LCP2: variants seen among roughly 807,000 people sequenced by gnomAD.
LCP2 encodes 76 kDa tyrosine phosphoprotein.
In LCP2, 29 loss-of-function variants were observed where a neutral mutation model predicts 74.5. That is an observed-to-expected ratio of 0.39 (90% CI 0.29 to 0.53). The LOEUF (loss-of-function observed/expected upper bound fraction) is 0.53. LCP2 is among the 20% of genes least tolerant of loss of function. The probability of loss-of-function intolerance (pLI) is 0.72; values close to 1 mark genes in which losing one functional copy is unlikely to be tolerated. For missense variants in LCP2, 604 were observed against 634.6 expected, an observed-to-expected ratio of 0.95 and a Z score of 0.52; for synonymous variants, 228 against 229.5, an observed-to-expected ratio of 0.99 and a Z score of 0.06.
intron 3 of LCP2, among the ~76,000 whole-genome samples, chr5:170,277,511 G>T (rs531753603): frequency 6.6e-6 from 1 of 152,036 alleles, no homozygotes; most frequent in African/African-American, 2.4e-5. Context: ...ACTTTGGGAG[G>T]CTGAGGTGAG....
intron 8 of LCP2, among the ~76,000 whole-genome samples, chr5:170,267,592 A>G (rs544664240): frequency 1.5e-4 from 20 of 132,212 alleles, no homozygotes; most frequent in Admixed American, 1.3e-3. Context: ...CCCCCCCCAT[A>G]CCGTCATGTT....
chr5:170,281,490 C>T (rs1383737342), intron 3 of LCP2, among the ~76,000 whole-genome samples: 4 of 152,154 alleles, frequency 2.6e-5, no homozygotes, highest in South Asian at 2.1e-4. Flanking sequence ...CTGTGTTAGC[C>T]AGGATGGTCT....
intron 6 of LCP2, among the ~76,000 whole-genome samples, chr5:170,272,655 G>A (rs1025643142): frequency 9.6e-5 from 11 of 114,750 alleles, no homozygotes; most frequent in Non-Finnish European, 1.8e-4. Context: ...CTGTCACCAG[G>A]CTGGAGTAGT....
chr5:170,293,425 G>C lies in LCP2; in HGVS notation c.79-53C>G, dbSNP rs910973422. 44 of 1,520,434 alleles carry C rather than the reference G, an allele frequency of 2.9e-5. No individual in the cohort carries two copies. The Admixed American group carries it at 3.7e-4, about 13-fold the overall frequency. The allele number at this position is 1,520,434 out of a possible 1,614,324, so 94.2% of individuals were successfully genotyped here. Reference sequence around the variant, plus strand: ...AGTGACGGGCAGTCTCTTACCATTGGTTCCTCTCCCTTGCCTGCCCCAGAA... The same window carrying C: ...AGTGACGGGCAGTCTCTTACCATTGCTTCCTCTCCCTTGCCTGCCCCAGAA... On this transcript the variant is annotated intron_variant, in intron 1 of 20. Coordinates refer to ENST00000046794, the MANE Select transcript of LCP2 (RefSeq NM_005565.5).
chr5:170,259,637 A>G (rs1419714049), intron 14 of LCP2, among the ~76,000 whole-genome samples: 1 of 152,230 alleles, frequency 6.6e-6, no homozygotes, highest in African/African-American at 2.4e-5. Context: ...AAGTGTTGTT[A>G]GAAGGATTAA....
rs936064836 is a variant in LCP2, at chr5:170,248,646, C to T, written c.*51G>A. 6.2e-6 allele frequency: 10 copies of T among 1,604,878 alleles called. No individual in the cohort carries two copies. The highest frequency in any genetic ancestry group is 7.7e-6 in the Non-Finnish European group (9 of 1,174,504). ...TCCATTGACCAAGGCTGATTGATCTCGTGTTGGCAACAGAGGCAGGAGGAC... is the reference window on the plus strand; with the variant it reads ...TCCATTGACCAAGGCTGATTGATCTTGTGTTGGCAACAGAGGCAGGAGGAC... On this transcript the variant is annotated 3_prime_UTR_variant, in exon 21 of 21. Coordinates refer to ENST00000046794, the MANE Select transcript of LCP2 (RefSeq NM_005565.5).
chr5:170,281,431 C>T (rs1317004911), intron 3 of LCP2, among the ~76,000 whole-genome samples: 1 of 152,168 alleles, frequency 6.6e-6, no homozygotes, highest in Non-Finnish European at 1.5e-5. Flanking sequence ...AGGTGCCTGC[C>T]ACCACACTCG....
rs1420619197 is a variant in LCP2, at chr5:170,289,595, CTTTCTTTCTTTCTTTCTTTCTT to C, written c.142-1601_142-1580del. Among the ~76,000 whole-genome samples, 761 of 144,756 alleles carry C rather than the reference CTTTCTTTCTTTCTTTCTTTCTT, an allele frequency of 5.3e-3. 4 individuals carry two copies. The highest frequency in any genetic ancestry group is 8.0e-3 in the Non-Finnish European group (523 of 65,170). The allele number at this position is 144,756 out of a possible 152,430, so 95.0% of individuals were successfully genotyped here. A position where few individuals can be genotyped will look rare whatever the true frequency, so the allele number is the denominator to read the frequency against. ...GTTAAGCTTCTTAACTACTCCTTTTCTTTCTTTCTTTCTTTCTTTCTTTTTCTTTCTTTCTTTCTTTCTTTCT... is the reference window on the plus strand; with the variant it reads ...GTTAAGCTTCTTAACTACTCCTTTTCTTTCTTTCTTTCTTTCTTTCTTTCT... On this transcript the variant is annotated intron_variant, in intron 2 of 20. Transcript: ENST00000046794.
intron 17 of LCP2, 101 bp from the exon 18 acceptor site, chr5:170,253,314 C>T (rs1220183036): frequency 2.5e-5 from 19 of 745,706 alleles, no homozygotes; most frequent in Middle Eastern, 5.0e-4. Context: ...AAAAAATACC[C>T]TTGCGATTGG....
In LCP2 at chr5:170,274,334, G is replaced by C. The variant is rs1463973709; in HGVS notation, c.291C>G (p.Ser97Arg). The change falls in exon 6 of 21, where the codon AGC becomes AGG. Residue 97 changes from serine (S) to arginine (R), a missense_variant. Physicochemically the swap from Ser to Arg is moderately radical, Grantham distance 110. Transcript: ENST00000046794. The part of the protein sequence containing the change: ...QVPRFPEETE[S>R]HEEDNGGWSS... ...ACCAGCCCCCATTGTCCTCTTCGTG[G>C]CTTTCTGTGGAAGGAGATGACACCA... is the stretch of plus-strand genomic sequence containing the variant. 3 of 1,612,958 alleles carry C rather than the reference G, an allele frequency of 1.9e-6. No homozygotes were observed. Among genetic ancestry groups the C allele is most frequent in the Non-Finnish European group, 2.5e-6 (3 of 1,179,506 alleles).
Position 170,262,661 on chromosome 5 carries a change from C to T in LCP2, c.900G>A (p.Leu300=), listed in dbSNP as rs751580792. 6.2e-7 allele frequency: 1 copy of T among 1,613,668 alleles called. No individual in the cohort carries two copies. Among genetic ancestry groups the T allele is most frequent in the Non-Finnish European group, 8.5e-7 (1 of 1,179,770 alleles). Reference sequence around the variant, plus strand: ...TTGGCACAGGTGGCTTCTTCCCTGGCAGGGGGCTGCTCCTTTCATGTCTTT... The same window carrying T: ...TTGGCACAGGTGGCTTCTTCCCTGGTAGGGGGCTGCTCCTTTCATGTCTTT... ...TTERHERSSP[L]PGKKPPVPKH... is the part of the protein sequence containing the mutation. Residue 300 remains leucine (L), a synonymous_variant, in exon 13 of 21, where the codon CTG becomes CTA. Coordinates refer to ENST00000046794, the MANE Select transcript of LCP2 (RefSeq NM_005565.5).
intron 3 of LCP2, among the ~76,000 whole-genome samples, chr5:170,277,074 T>TAAA (rs750930541): frequency 0.018 from 1,645 of 91,074 alleles, 50 homozygotes; most frequent in African/African-American, 0.063. Flanking sequence ...GACTCCATCT[T>TAAA]AAAAAAAAAA....
chr5:170,256,536 G>A lies in LCP2; in HGVS notation c.1140C>T (p.Tyr380=). Residue 380 remains tyrosine (Y), a synonymous_variant, in exon 17 of 21, where the codon TAC becomes TAT. Transcript: ENST00000046794. The surrounding 1 kb of genome is among the most constrained non-coding windows in gnomAD (Gnocchi z 4.5). ...GCCCAGAGTACAAACCTTGAGAGAA[G>A]TATGGTGGCAGGGAGGCACTCTGTG... The part of the protein sequence containing the change: ...SFPQSASLPP[Y]FSQGPSNRPP... 6.2e-7 allele frequency: 1 copy of A among 1,613,026 alleles called. No homozygotes were observed. The highest frequency in any genetic ancestry group is 8.5e-7 in the Non-Finnish European group (1 of 1,179,004).
In LCP2 at chr5:170,252,197, C is replaced by T. The variant is rs532999943; in HGVS notation, c.1323+237G>A. Reference sequence around the variant, plus strand: ...TTCATTAATAAAATCTCCTAAGATGCTGCCAACCAAATGACTGCCTTGAGA... The same window carrying T: ...TTCATTAATAAAATCTCCTAAGATGTTGCCAACCAAATGACTGCCTTGAGA... On this transcript the variant is annotated intron_variant, in intron 19 of 20. Transcript: ENST00000046794. 2.3e-5 allele frequency: 8 copies of T among 345,766 alleles called. No homozygotes were observed. The South Asian group carries it at 4.5e-4, about 20-fold the overall frequency. 21.4% of individuals were successfully genotyped at this position (345,766 alleles called of 1,614,324 possible). A position where few individuals can be genotyped will look rare whatever the true frequency, so the allele number is the denominator to read the frequency against.
chr5:170,258,807 C>A, intron 15 of LCP2, 59 bp downstream of exon 15: 1 of 1,280,240 alleles, frequency 7.8e-7, no homozygotes, highest in East Asian at 2.4e-5. Context: ...CACTTGAATG[C>A]CTGAGCAGGA....
chr5:170,261,078 G>C, intron 14 of LCP2, 29 bp downstream of exon 14: 1 of 1,553,508 alleles, frequency 6.4e-7, no homozygotes, highest in African/African-American at 1.4e-5. Context: ...CCTGTATCAA[G>C]CACTTACAAA....
chr5:170,255,139 CAG>C (rs959135609), intron 17 of LCP2, among the ~76,000 whole-genome samples: 92 of 152,226 alleles, frequency 6.0e-4, no homozygotes, highest in African/African-American at 2.2e-3. Context: ...TTGCAAAACA[CAG>C]AGAATTTTGG....
chr5:170,251,102 G>C (rs562050449), intron 19 of LCP2: 2 of 471,398 alleles, frequency 4.2e-6, no homozygotes, highest in East Asian at 3.6e-5. Flanking sequence ...AAAGGCAACA[G>C]AGATTGTATC....
Position 170,248,533 on chromosome 5 carries a change from A to G in LCP2, c.*164T>C. ...GAATAAATAAATTATGGGATAGTTGACAGTCTTCATTTCAAACACTGTTTT... is the reference window on the plus strand; with the variant it reads ...GAATAAATAAATTATGGGATAGTTGGCAGTCTTCATTTCAAACACTGTTTT... On this transcript the variant is annotated 3_prime_UTR_variant, in exon 21 of 21. Coordinates refer to ENST00000046794, the MANE Select transcript of LCP2 (RefSeq NM_005565.5). The G allele has an allele frequency of 1.4e-6, 1 of 702,118 alleles. No homozygotes were observed. The highest frequency in any genetic ancestry group is 2.5e-6 in the Non-Finnish European group (1 of 407,656). 43.5% of individuals were successfully genotyped at this position (702,118 alleles called of 1,614,324 possible).
Sources: allele counts gnomAD v4.1 joint callset (sites outside exome capture counted in the v4.1 genomes callset), GRCh38; gene constraint gnomAD v4.1.1; non-coding constraint Gnocchi (gnomAD v3.1); transcripts MANE v1.5; gene names NCBI Gene and HGNC (gene_info 2026-07-23, HGNC 2026-07-21).